The following ZNF724 variants were observed in gnomAD, a reference collection of about 807,000 sequenced individuals.
ZNF724 encodes zinc finger protein 724.
Under a neutral mutation model 29.3 loss-of-function variants are expected in ZNF724, and 14 were observed. The ratio of observed to expected loss-of-function variants is 0.48; its 90% CI spans 0.32 to 0.75. The LOEUF is 0.75. Among genes scored for constraint, ZNF724 ranks in the 30% least tolerant of loss-of-function variants. The pLI is 0.04. For missense variants in ZNF724, 557 were observed against 571.2 expected, an observed-to-expected ratio of 0.98 and a Z score of 0.25; for synonymous variants, 180 against 193.6, an observed-to-expected ratio of 0.93 and a Z score of 0.58.
At chr19:23,226,636 TTCA>T (rs1262158809) in intron 3 of ZNF724, among the ~76,000 whole-genome samples, 1 of 152,160 alleles carries the variant, frequency 6.6e-6, no homozygotes, top group African/African-American at 2.4e-5. Context: ...GAAATGTACA[TTCA>T]TTATTAAACA....
Position 23,223,651 on chromosome 19 carries a change from G to C in ZNF724, c.594C>G (p.Tyr198Ter). ...HKRIHTTVNS[Y>*]KLEECGKAFN... ...AGGCCTTGCCACATTCTTCAAGTTT[G>C]TAGGAATTGACAGTAGTGTGAATTC... is the stretch of plus-strand genomic sequence containing the variant. Residue 198 changes from tyrosine to a stop codon, truncating the protein, a stop_gained, in exon 4 of 4, where the codon TAC becomes TAG. Coordinates refer to ENST00000418100, the MANE Select transcript of ZNF724 (RefSeq NM_001355404.2). LOFTEE classifies it low-confidence loss of function (END_TRUNC). The C allele has an allele frequency of 1.4e-6, 1 of 714,720 alleles. No homozygotes were observed. Among genetic ancestry groups the C allele is most frequent in the South Asian group, 1.5e-5 (1 of 67,838 alleles). The allele number at this position is 714,720 out of a possible 1,614,324, so 44.3% of individuals were successfully genotyped here. A position where few individuals can be genotyped will look rare whatever the true frequency, so the allele number is the denominator to read the frequency against.
At position 23,222,997 on chromosome 19, in the gene ZNF724, A is replaced by G. The variant is rs778453171; in HGVS notation, c.1248T>C (p.His416=). 7.3e-7 allele frequency: 1 copy of G among 1,370,018 alleles called. No individual in the cohort carries two copies. The highest frequency in any genetic ancestry group is 1.0e-6 in the Non-Finnish European group (1 of 959,044). 84.9% of individuals were successfully genotyped at this position (1,370,018 alleles called of 1,614,324 possible). Residue 416 remains histidine, a synonymous_variant, in exon 4 of 4, where the codon CAT becomes CAC. Coordinates refer to ENST00000418100, the MANE Select transcript of ZNF724 (RefSeq NM_001355404.2). ...SSHLTTHKRI[H]TGEKPYKCEE... The stretch of plus-strand genomic sequence containing the variant: ...CACATTTGTAGGGTTTCTCTCCGGT[A>G]TGAATTCTTTTATGTGTGGTGAGGT...
At chr19:23,225,876 G>A (rs1971817439) in intron 3 of ZNF724, among the ~76,000 whole-genome samples, 1 of 151,840 alleles carries the variant, frequency 6.6e-6, no homozygotes, top group Non-Finnish European at 1.5e-5. Context: ...TGCATAACCA[G>A]GTGAATATAC....
chr19:23,233,040 T>C (rs1971964986), intron 1 of ZNF724, among the ~76,000 whole-genome samples: 1 of 152,158 alleles, frequency 6.6e-6, no homozygotes, highest in Admixed American at 6.6e-5. Context: ...ATCATTAGCC[T>C]CAACTGCACT....
chr19:23,246,900 TTG>T (rs1309508372), intron 1 of ZNF724, among the ~76,000 whole-genome samples: 1 of 152,124 alleles, frequency 6.6e-6, no homozygotes, highest in East Asian at 1.9e-4. Flanking sequence ...ATGCTTGAAA[TTG>T]TGTTTGAAAA....
At chr19:23,237,645 C>T (rs1972042642) in intron 1 of ZNF724, among the ~76,000 whole-genome samples, 1 of 149,294 alleles carries the variant, frequency 6.7e-6, no homozygotes, top group East Asian at 2.0e-4. Context: ...TGGCTCATGC[C>T]CGTAATCCCA....
intron 3 of ZNF724, among the ~76,000 whole-genome samples, chr19:23,227,159 C>G (rs1180003723): frequency 6.6e-6 from 1 of 152,068 alleles, no homozygotes; most frequent in African/African-American, 2.4e-5. Flanking sequence ...ATAGAAGACT[C>G]TAATGAGAAA....
At chr19:23,238,640 C>A (rs972324571) in intron 1 of ZNF724, among the ~76,000 whole-genome samples, 3 of 152,034 alleles carry the variant, frequency 2.0e-5, no homozygotes, top group Non-Finnish European at 2.9e-5. Context: ...CTCGACCAGG[C>A]ATGGTAGCTC....
At chr19:23,246,415 G>T in intron 1 of ZNF724, among the ~76,000 whole-genome samples, 1 of 152,152 alleles carries the variant, frequency 6.6e-6, no homozygotes, top group Non-Finnish European at 1.5e-5. Context: ...TCAGCACTTT[G>T]GGAGGCCGAG....
At chr19:23,244,298 T>C (rs1053453197) in intron 1 of ZNF724, among the ~76,000 whole-genome samples, 145 of 152,284 alleles carry the variant, frequency 9.5e-4, no homozygotes, top group African/African-American at 3.5e-3. Context: ...TGAAGGATTT[T>C]TGCAAGAAAT....
At chr19:23,237,613 G>A (rs1349974385) in intron 1 of ZNF724, among the ~76,000 whole-genome samples, 6 of 149,976 alleles carry the variant, frequency 4.0e-5, no homozygotes, top group Admixed American at 2.7e-4. Context: ...AGAAAATACC[G>A]TATAATTTAG....
At chr19:23,243,475 CAAAAAA>C (rs61241201) in intron 1 of ZNF724, among the ~76,000 whole-genome samples, 4 of 31,214 alleles carry the variant, frequency 1.3e-4, no homozygotes, top group Non-Finnish European at 1.7e-4. Context: ...GAGTCCATCT[CAAAAAA>C]AAAAAAAAAA....
At chr19:23,239,234 C>A (rs1397519260) in intron 1 of ZNF724, among the ~76,000 whole-genome samples, 1 of 145,694 alleles carries the variant, frequency 6.9e-6, no homozygotes. Flanking sequence ...TAACTGGCAT[C>A]TATAGAACTG....
intron 1 of ZNF724, among the ~76,000 whole-genome samples, chr19:23,246,998 G>A (rs1489337223): frequency 2.6e-5 from 4 of 151,982 alleles, no homozygotes; most frequent in Admixed American, 6.6e-5. Flanking sequence ...CGAGGTGGGC[G>A]GATCACCTGA....
In ZNF724 at chr19:23,223,725, C is replaced by G; in HGVS notation, c.520G>C (p.Glu174Gln). 1 of 726,332 alleles carries G rather than the reference C, an allele frequency of 1.4e-6. No individual in the cohort carries two copies. The highest frequency in any genetic ancestry group is 2.6e-6 in the Non-Finnish European group (1 of 391,512). The allele number at this position is 726,332 out of a possible 1,614,324, so 45.0% of individuals were successfully genotyped here. A position where few individuals can be genotyped will look rare whatever the true frequency, so the allele number is the denominator to read the frequency against. The change falls in exon 4 of 4, where the codon GAA becomes CAA. Residue 174 changes from glutamate (E) to glutamine (Q), a missense_variant. Glu to Gln is a conservative substitution (Grantham distance 29). This residue lies in a region of ZNF724 where 362 missense variants were observed against 295.5 expected (regional missense o/e 1.22). Coordinates refer to ENST00000418100, the MANE Select transcript of ZNF724 (RefSeq NM_001355404.2). Reference sequence around the variant, plus strand: ...AGAACACAAAATGACTTGCCACATTCTTTACATTTGAAAGGATTCTTTTCA... The same window carrying G: ...AGAACACAAAATGACTTGCCACATTGTTTACATTTGAAAGGATTCTTTTCA... The part of the protein sequence containing the change: ...KTEKNPFKCK[E>Q]CGKSFCVLSH...
At chr19:23,227,075 A>C (rs1156471334) in intron 3 of ZNF724, among the ~76,000 whole-genome samples, 2 of 152,184 alleles carry the variant, frequency 1.3e-5, no homozygotes, top group African/African-American at 2.4e-5. Context: ...TACTCATGGA[A>C]GGCAGGTATT....
chr19:23,230,666 T>C (rs187580608), intron 3 of ZNF724, among the ~76,000 whole-genome samples: 305 of 152,218 alleles, frequency 2.0e-3, no homozygotes, highest in South Asian at 6.6e-3. Context: ...AAAAAGCAGA[T>C]TTTGTAGTCT....
intron 1 of ZNF724, among the ~76,000 whole-genome samples, chr19:23,241,889 T>C (rs554450133): frequency 1.3e-5 from 2 of 152,144 alleles, no homozygotes; most frequent in South Asian, 2.1e-4. Flanking sequence ...GCTAGAGAAA[T>C]CAGGCAAGAG....
chr19:23,243,648 C>T (rs970570178), intron 1 of ZNF724, among the ~76,000 whole-genome samples: 5 of 151,808 alleles, frequency 3.3e-5, no homozygotes, highest in African/African-American at 4.8e-5. Flanking sequence ...TTGGGCCGGG[C>T]GCGGTGGCTC....
Sources: gnomAD v4.1 joint callset for allele counts (sites outside exome capture counted in the v4.1 genomes callset) on GRCh38, gnomAD v4.1.1 for gene constraint, gnomAD v4.1.1 regional missense constraint, MANE v1.5 for transcripts, NCBI Gene and HGNC (gene_info 2026-07-23, HGNC 2026-07-21) for gene names.